Variants in CLEC20A observed in about 807,000 individuals in gnomAD.
The protein encoded by CLEC20A is putative C-type lectin domain family 20 member A.
chr1:178,496,381 G>A (rs150767611), intron 1 of CLEC20A: 651 of 152,892 alleles, frequency 4.3e-3, no homozygotes, highest in Non-Finnish European at 6.3e-3. Flanking sequence ...TCGCAGCCAT[G>A]GGGCCCTGCG....
At chr1:178,482,004 C>A (rs950347707) in intron 7 of CLEC20A, 1 of 234,802 alleles carries the variant, frequency 4.3e-6, no homozygotes, top group African/African-American at 2.3e-5. Flanking sequence ...CAAAGCTACA[C>A]AATGGATAAG....
At chr1:178,497,048 T>C, upstream of CLEC20A, 1 of 398,918 alleles carries the variant, frequency 2.5e-6, no homozygotes, top group Non-Finnish European at 4.4e-6. Context: ...GGCCTTTCAT[T>C]CCTTGCTGTT....
At chr1:178,479,841 A>G in intron 7 of CLEC20A, 1 of 319,456 alleles carries the variant, frequency 3.1e-6, no homozygotes, top group East Asian at 4.7e-5. Flanking sequence ...GAACACTAAA[A>G]CAGATGACTA....
chr1:178,486,279 A>C (rs1205661650), intron 5 of CLEC20A, among the ~76,000 whole-genome samples: 2 of 152,116 alleles, frequency 1.3e-5, no homozygotes, highest in Non-Finnish European at 2.9e-5. Context: ...CCAGCACACA[A>C]CGCGCCCACA....
intron 5 of CLEC20A, among the ~76,000 whole-genome samples, chr1:178,487,447 C>A (rs1431566906): frequency 6.6e-6 from 1 of 152,196 alleles, no homozygotes; most frequent in Non-Finnish European, 1.5e-5. Context: ...ACTGTCCCCA[C>A]CCCACCTGCA....
At position 178,492,280 on chromosome 1, in the gene CLEC20A, A is replaced by AAAAAAAT. The variant is rs548472482; in HGVS notation, c.463+214_463+220dup. Among the ~76,000 whole-genome samples the AAAAAAAT allele has an allele frequency of 6.4e-3, 979 of 152,096 alleles. 3 individuals carry two copies. Among genetic ancestry groups the AAAAAAAT allele is most frequent in the Non-Finnish European group, 0.011 (734 of 67,996 alleles). On this transcript the variant is annotated intron_variant, in intron 3 of 7. Coordinates refer to ENST00000623247, the Ensembl canonical transcript of CLEC20A. ...GACAGAGTGAGACCATCCGTGTCTT[A>AAAAAAAT]AAAAAATAAAAAATAAAAAATAAAA...
At chr1:178,485,777 C>A (rs536857716) in intron 5 of CLEC20A, among the ~76,000 whole-genome samples, 1 of 152,192 alleles carries the variant, frequency 6.6e-6, no homozygotes, top group African/African-American at 2.4e-5. Context: ...CTATCCTAGT[C>A]CCCAGAGAGA....
At chr1:178,490,704 G>C (rs1341097414) in intron 3 of CLEC20A, among the ~76,000 whole-genome samples, 1 of 152,230 alleles carries the variant, frequency 6.6e-6, no homozygotes. Flanking sequence ...CACAAGTTCA[G>C]TTTAAGTCCT....
Position 178,482,913 on chromosome 1 carries a change from A to G in CLEC20A, c.1036+262T>C, listed in dbSNP as rs116413390. On this transcript the variant is annotated intron_variant, in intron 6 of 7. Transcript: ENST00000623247. ...TATAGTTATCTCATTGGGTGCTCACAACAACGCTGTGATATAGGCAGGGTA... is the reference window on the plus strand; with the variant it reads ...TATAGTTATCTCATTGGGTGCTCACGACAACGCTGTGATATAGGCAGGGTA... 923 of 327,170 alleles carry G rather than the reference A, an allele frequency of 2.8e-3. 18 individuals are homozygous for G. The highest frequency in any genetic ancestry group is 0.019 in the African/African-American group (876 of 47,276). The allele number at this position is 327,170 out of a possible 1,614,324, so 20.3% of individuals were successfully genotyped here. A position where few individuals can be genotyped will look rare whatever the true frequency, so the allele number is the denominator to read the frequency against.
chr1:178,490,098 G>A (rs1649236695), exon 4 of CLEC20A: 4 of 398,700 alleles, frequency 1.0e-5, no homozygotes, highest in Non-Finnish European at 1.8e-5. Flanking sequence ...GGGCAGCAGG[G>A]AAGAGCAGTT....
chr1:178,497,598 G>T (rs1008880141), upstream of CLEC20A, among the ~76,000 whole-genome samples: 1 of 152,198 alleles, frequency 6.6e-6, no homozygotes, highest in Non-Finnish European at 1.5e-5. Context: ...CTACACAGCT[G>T]CCCACACTTT....
chr1:178,482,082 C>CAAAAAAAA (rs1297176109), intron 7 of CLEC20A: 1 of 354,258 alleles, frequency 2.8e-6, no homozygotes, highest in African/African-American at 2.5e-5. Flanking sequence ...AACAAAAAAA[C>CAAAAAAAA]AAAAAAACAA....
chr1:178,497,643 C>T (rs1268834866), upstream of CLEC20A, among the ~76,000 whole-genome samples: 1 of 152,220 alleles, frequency 6.6e-6, no homozygotes, highest in East Asian at 1.9e-4. Context: ...CAATGTCTCC[C>T]TCTATCATTG....
upstream of CLEC20A, among the ~76,000 whole-genome samples, chr1:178,497,806 A>G (rs77306538): frequency 4.4e-3 from 663 of 152,266 alleles, 16 homozygotes; most frequent in African/African-American, 0.015. Flanking sequence ...TGGATCTGGT[A>G]ATTAATAAGC....
intron 5 of CLEC20A, chr1:178,486,573 C>A: frequency 7.5e-6 from 3 of 398,678 alleles, no homozygotes; most frequent in Non-Finnish European, 1.3e-5. Flanking sequence ...TTTCTTTGGT[C>A]CCCAGAGAGC....
At position 178,492,496 on chromosome 1, in the gene CLEC20A, T is replaced by C. The variant is rs930351581; in HGVS notation, c.463+5A>G. The C allele has an allele frequency of 7.5e-6, 3 of 398,302 alleles. No homozygotes were observed. The highest frequency in any genetic ancestry group is 1.3e-5 in the Non-Finnish European group (3 of 226,046). The allele number at this position is 398,302 out of a possible 1,614,324, so 24.7% of individuals were successfully genotyped here. On this transcript the variant is annotated splice_donor_5th_base_variant and intron_variant, in intron 3 of 7. Transcript: ENST00000623247. ...CAGAAAAGGGAATGGGGAGCAGGTATGTACCTGGCTTTGGAGAGGTGGTCA... is the reference window on the plus strand; with the variant it reads ...CAGAAAAGGGAATGGGGAGCAGGTACGTACCTGGCTTTGGAGAGGTGGTCA...
intron 5 of CLEC20A, 175 bp from the exon 6 acceptor site, chr1:178,483,457 C>T: frequency 2.6e-6 from 1 of 391,022 alleles, no homozygotes. Context: ...CTGACTCACC[C>T]CTACAGGCTC....
At chr1:178,488,322 G>A (rs1296271238) in intron 5 of CLEC20A, among the ~76,000 whole-genome samples, 179 bp downstream of exon 5, 1 of 152,244 alleles carries the variant, frequency 6.6e-6, no homozygotes, top group Non-Finnish European at 1.5e-5. Flanking sequence ...CCAGCAGGGT[G>A]GGGAGCGGAG....
intron 5 of CLEC20A, chr1:178,484,295 G>A (rs912034577): frequency 5.9e-5 from 9 of 152,126 alleles, no homozygotes; most frequent in East Asian, 1.9e-4. Flanking sequence ...AGCCCCAGTC[G>A]GCATACCTAC....
Sources: gnomAD v4.1 joint callset for allele counts (sites outside exome capture counted in the v4.1 genomes callset) on GRCh38, gnomAD v4.1.1 for gene constraint, MANE v1.5 for transcripts, NCBI Gene and HGNC (gene_info 2026-07-23, HGNC 2026-07-21) for gene names.